Variants in ITSN2 observed in about 807,000 individuals in gnomAD.
ITSN2 encodes intersectin-2.
In ITSN2, 156 loss-of-function variants were observed where a neutral mutation model predicts 243.7. The ratio of observed to expected loss-of-function variants is 0.64; its 90% confidence interval spans 0.56 to 0.73. ITSN2 has a LOEUF of 0.73. Among genes scored for constraint, ITSN2 ranks in the 30% least tolerant of loss-of-function variants. ITSN2 has a pLI of 0.00. For missense variants in ITSN2, 1,801 were observed against 1,996.1 expected (o/e 0.90, Z 1.86); for synonymous variants, 703 against 699.9 (o/e 1.00, Z -0.07).
At chr2:24,359,577 C>T (rs1396912357) in intron 1 of ITSN2, among the ~76,000 whole-genome samples, 2 of 152,274 alleles carry the variant, frequency 1.3e-5, no homozygotes, top group Non-Finnish European at 2.9e-5. Context: ...AATACAAAGC[C>T]ATCTGCAGTT....
At chr2:24,334,726 C>T (rs951325660) in intron 1 of ITSN2, 94 of 1,585,278 alleles carry the variant, frequency 5.9e-5, no homozygotes, top group Middle Eastern at 1.7e-4. Context: ...GGCTTGAGTG[C>T]GTTGAGCCCA....
intron 9 of ITSN2, 34 bp from the exon 10 acceptor site, chr2:24,302,136 AGT>A: frequency 1.3e-6 from 2 of 1,529,782 alleles, no homozygotes; most frequent in Non-Finnish European, 1.8e-6. Context: ...AACTTAATAA[AGT>A]CTATTTGGAG....
At chr2:24,300,268 G>T (rs1681553703) in intron 11 of ITSN2, 97 bp from the exon 12 acceptor site, 8 of 1,168,580 alleles carry the variant, frequency 6.8e-6, no homozygotes, top group Non-Finnish European at 9.7e-6. Context: ...TCATTTGAGT[G>T]CTATCAGTAT....
chr2:24,208,611 G>A (rs536863762), intron 36 of ITSN2, among the ~76,000 whole-genome samples: 24 of 152,310 alleles, frequency 1.6e-4, no homozygotes, highest in East Asian at 7.8e-4. Context: ...GGGTTCTAGC[G>A]CACACAGAGG....
intron 35 of ITSN2, 128 bp from the exon 36 acceptor site, chr2:24,209,349 G>A: frequency 1.0e-6 from 1 of 967,786 alleles, no homozygotes; most frequent in Non-Finnish European, 1.6e-6. Context: ...TAGCGTCTAA[G>A]GTCTTCTACA....
chr2:24,283,099 C>A (rs565726426), intron 17 of ITSN2, among the ~76,000 whole-genome samples: 6 of 152,106 alleles, frequency 3.9e-5, no homozygotes, highest in Non-Finnish European at 8.8e-5. Context: ...CTCACTTAAC[C>A]CTTCCTCAAC....
intron 36 of ITSN2, among the ~76,000 whole-genome samples, chr2:24,208,789 C>T (rs968450583): frequency 1.3e-5 from 2 of 152,222 alleles, no homozygotes; most frequent in Admixed American, 6.5e-5. Context: ...CCTCGGAAAC[C>T]AGCAAAGCAC....
chr2:24,230,634 G>C (rs956249357), intron 29 of ITSN2, among the ~76,000 whole-genome samples: 18 of 152,032 alleles, frequency 1.2e-4, no homozygotes, highest in Admixed American at 5.9e-4. Context: ...TGGGCATGGT[G>C]GTGGGCACTT....
intron 8 of ITSN2, among the ~76,000 whole-genome samples, chr2:24,305,370 G>C (rs1302222917): frequency 6.6e-6 from 1 of 152,118 alleles, no homozygotes; most frequent in African/African-American, 2.4e-5. Context: ...GGGAGACCAA[G>C]GCGGGCGGAT....
chr2:24,261,340 C>A, intron 21 of ITSN2, 90 bp from the exon 22 acceptor site: 1 of 997,120 alleles, frequency 1.0e-6, no homozygotes, highest in Non-Finnish European at 1.5e-6. Context: ...ATTATATACA[C>A]TGTGCTTACA....
intron 15 of ITSN2, chr2:24,293,406 A>G (rs1284947160): frequency 4.9e-6 from 1 of 206,062 alleles, no homozygotes; most frequent in African/African-American, 2.4e-5. Flanking sequence ...TTTATATCTT[A>G]TAGTCTAACA....
At chr2:24,352,871 CA>C (rs530904667) in intron 1 of ITSN2, among the ~76,000 whole-genome samples, 20 of 152,254 alleles carry the variant, frequency 1.3e-4, no homozygotes, top group African/African-American at 3.4e-4. Context: ...TAAGGGGTCC[CA>C]GGGGGACTGA....
intron 29 of ITSN2, among the ~76,000 whole-genome samples, chr2:24,230,087 G>T (rs1371066639): frequency 6.6e-6 from 1 of 152,048 alleles, no homozygotes; most frequent in African/African-American, 2.4e-5. Flanking sequence ...TTCTTCACAC[G>T]TTCTGCTGTA....
chr2:24,290,849 T>C (rs553286699), intron 15 of ITSN2, among the ~76,000 whole-genome samples: 2 of 152,336 alleles, frequency 1.3e-5, no homozygotes, highest in Admixed American at 6.5e-5. Flanking sequence ...TAACACACTA[T>C]TTTAGGCACT....
Position 24,328,039 on chromosome 2 carries a change from CA to C in ITSN2, c.31+12del. 6.2e-7 allele frequency: 1 copy of C among 1,610,048 alleles called. No individual in the cohort carries two copies. The highest frequency in any genetic ancestry group is 8.5e-7 in the Non-Finnish European group (1 of 1,177,926). Reference sequence around the variant, plus strand: ...CCATAACCTCATCTTGCCACAAGCACAAAGCTGCTTACCATTCATAGCTGTG... The same window carrying C: ...CCATAACCTCATCTTGCCACAAGCACAAGCTGCTTACCATTCATAGCTGTG... On this transcript the variant is annotated intron_variant, in intron 2 of 39. Transcript: ENST00000355123.
chr2:24,209,332 A>G (rs1486988877), intron 35 of ITSN2, 111 bp from the exon 36 acceptor site: 3 of 1,245,478 alleles, frequency 2.4e-6, no homozygotes, highest in African/African-American at 1.5e-5. Flanking sequence ...AGAAGGAGAA[A>G]GGGGTCTAGC....
chr2:24,209,858 A>G lies in ITSN2; in HGVS notation c.4433T>C (p.Phe1478Ser). Residue 1478 changes from phenylalanine to serine, a missense_variant, in exon 35 of 40, where the codon TTC becomes TCC. Phe to Ser is a radical substitution (Grantham distance 155). This residue lies in a region of ITSN2 where 928 missense variants were observed against 1,065.4 expected (regional missense o/e 0.87). Transcript: ENST00000355123. ...FAVSSGSEKLFSSKSNAQFKM... is the reference protein window; with the variant it reads ...FAVSSGSEKLSSSKSNAQFKM... Reference sequence around the variant, plus strand: ...GAATTGAGCATTGGACTTCGAGCTGAAAAGTTTCTCAGAGCCAGAGGAAAC... The same window carrying G: ...GAATTGAGCATTGGACTTCGAGCTGGAAAGTTTCTCAGAGCCAGAGGAAAC... 1 of 1,614,190 alleles carries G rather than the reference A, an allele frequency of 6.2e-7. No individual in the cohort carries two copies. Among genetic ancestry groups the G allele is most frequent in the Non-Finnish European group, 8.5e-7 (1 of 1,180,000 alleles).
chr2:24,207,301 T>G (rs1668995942), intron 37 of ITSN2, among the ~76,000 whole-genome samples: 1 of 151,664 alleles, frequency 6.6e-6, no homozygotes, highest in Non-Finnish European at 1.5e-5. Flanking sequence ...GGAGGAGGAC[T>G]GCAGTGCAGC....
At chr2:24,356,076 T>C (rs1180323325) in intron 1 of ITSN2, among the ~76,000 whole-genome samples, 2 of 152,024 alleles carry the variant, frequency 1.3e-5, no homozygotes, top group African/African-American at 4.8e-5. Flanking sequence ...GGCAGGCGCC[T>C]GTAATCCCAG....
Sources: allele counts gnomAD v4.1 joint callset (sites outside exome capture counted in the v4.1 genomes callset), GRCh38; gene constraint gnomAD v4.1.1; regional missense constraint gnomAD v4.1.1; transcripts MANE v1.5; gene names NCBI Gene and HGNC (gene_info 2026-07-23, HGNC 2026-07-21).